The following TBC1D1 variants were observed in gnomAD, a reference collection of about 807,000 sequenced individuals.
TBC1D1 encodes the protein TBC1 domain family member 1.
TBC1D1 carries 89 observed loss-of-function variants against 125.6 expected under a neutral mutation model. The observed-to-expected ratio is 0.71, with a 90% CI of 0.60 to 0.85. The LOEUF is 0.85. Ranked by LOEUF, TBC1D1 falls within the 40% of genes least tolerant of loss-of-function variation. The pLI is 0.00. For missense variants in TBC1D1, 1,377 were observed against 1,469.2 expected, an observed-to-expected ratio of 0.94 and a Z score of 1.03; for synonymous variants, 565 against 564.1, an observed-to-expected ratio of 1.00 and a Z score of -0.02.
rs749796302 is a variant in TBC1D1, at chr4:38,095,966, C to T, written c.2274C>T (p.Leu758=). The change falls in exon 14 of 20, where the codon CTC becomes CTT. Residue 758 remains leucine, a synonymous_variant. Transcript: ENST00000261439. Reference sequence around the variant, plus strand: ...ATTTGCTGAACAAGCGCCTGAAGCTCGATTATGAAGAAATTACTCCCTGTC... The same window carrying T: ...ATTTGCTGAACAAGCGCCTGAAGCTTGATTATGAAGAAATTACTCCCTGTC... The T allele has an allele frequency of 1.4e-5, 22 of 1,613,466 alleles. No individual in the cohort carries two copies. In the East Asian group the frequency reaches 2.0e-4, roughly 15 times the overall value.
chr4:38,016,087 A>G (rs1742660219), intron 3 of TBC1D1, among the ~76,000 whole-genome samples: 2 of 152,222 alleles, frequency 1.3e-5, no homozygotes, highest in African/African-American at 4.8e-5. Flanking sequence ...GCCGTGAACA[A>G]GACAAGTATG....
At chr4:38,106,140 A>G (rs2152562676) in intron 15 of TBC1D1, among the ~76,000 whole-genome samples, 1 of 152,290 alleles carries the variant, frequency 6.6e-6, no homozygotes, top group South Asian at 2.1e-4. Flanking sequence ...CTTCTAGGAC[A>G]GTGGCTGTGA....
At chr4:38,018,874 A>G (rs1294063519) in intron 4 of TBC1D1, among the ~76,000 whole-genome samples, 1 of 151,846 alleles carries the variant, frequency 6.6e-6, no homozygotes, top group Non-Finnish European at 1.5e-5. Flanking sequence ...TCAAATATAG[A>G]TAGTGCTTAT....
At chr4:37,930,519 G>A (rs1412279048) in intron 2 of TBC1D1, among the ~76,000 whole-genome samples, 1 of 151,692 alleles carries the variant, frequency 6.6e-6, no homozygotes, top group Non-Finnish European at 1.5e-5. Context: ...TTAAGACAGA[G>A]TCTTCCTGTA....
At chr4:37,956,206 G>A (rs950852608) in intron 2 of TBC1D1, among the ~76,000 whole-genome samples, 5 of 151,760 alleles carry the variant, frequency 3.3e-5, no homozygotes, top group African/African-American at 7.3e-5. Flanking sequence ...AGATGGGAGC[G>A]GGGGTTCTCC....
At chr4:38,012,649 G>A (rs2152424072) in intron 2 of TBC1D1, among the ~76,000 whole-genome samples, 1 of 152,290 alleles carries the variant, frequency 6.6e-6, no homozygotes, top group Non-Finnish European at 1.5e-5. Flanking sequence ...TAGACTTCAT[G>A]CTCTCTTCTC....
Position 38,049,883 on chromosome 4 carries a change from C to G in TBC1D1, c.1895C>G (p.Thr632Arg), listed in dbSNP as rs200637650. Reference sequence around the variant, plus strand: ...AGGTATCACTCAGTGAGCACAGAGACGCCTCATGAACGAAAGTAAGATTTG... The same window carrying G: ...AGGTATCACTCAGTGAGCACAGAGAGGCCTCATGAACGAAAGTAAGATTTG... The change falls in exon 11 of 20, where the codon ACG becomes AGG. Residue 632 changes from threonine to arginine, a missense_variant. Thr to Arg is a moderately conservative substitution (Grantham distance 71). This residue lies in a region of TBC1D1 where 822 missense variants were observed against 824.6 expected (regional missense o/e 1.00). Coordinates refer to ENST00000261439, the MANE Select transcript of TBC1D1 (RefSeq NM_015173.4). 1.9e-6 allele frequency: 3 copies of G among 1,609,116 alleles called. No individual in the cohort carries two copies. The highest frequency in any genetic ancestry group is 4.5e-5 in the East Asian group (2 of 44,822).
At chr4:38,092,878 T>A (rs537522607) in intron 13 of TBC1D1, among the ~76,000 whole-genome samples, 5 of 152,030 alleles carry the variant, frequency 3.3e-5, no homozygotes, top group African/African-American at 9.6e-5. Flanking sequence ...TTGGGGTGAC[T>A]CACACACACA....
At chr4:38,024,695 AG>A (rs1191386116) in intron 6 of TBC1D1, among the ~76,000 whole-genome samples, 2 of 152,250 alleles carry the variant, frequency 1.3e-5, no homozygotes, top group Non-Finnish European at 2.9e-5. Context: ...AAACAGTTTT[AG>A]GGTTCCTTGC....
At chr4:38,090,521 TACGTA>T (rs1758252266) in intron 13 of TBC1D1, among the ~76,000 whole-genome samples, 1 of 152,232 alleles carries the variant, frequency 6.6e-6, no homozygotes, top group Admixed American at 6.5e-5. Context: ...GTCATTAACA[TACGTA>T]ACTTCACTCT....
At chr4:37,954,141 T>C (rs1020773088) in intron 2 of TBC1D1, among the ~76,000 whole-genome samples, 1 of 152,346 alleles carries the variant, frequency 6.6e-6, no homozygotes, top group East Asian at 1.9e-4. Flanking sequence ...CCTAGCATGT[T>C]GACTTTGGCC....
chr4:38,046,742 A>G lies in TBC1D1; in HGVS notation c.1629+839A>G, dbSNP rs567174495. Among the ~76,000 whole-genome samples the G allele has an allele frequency of 2.0e-5, 3 of 152,324 alleles. No individual in the cohort carries two copies. In the East Asian group the frequency reaches 5.8e-4, roughly 29 times the overall value. ...GTTTTATTTAAATAAGCAAGTATCT[A>G]TGTCCTTCTTTTAATAACTTGCTTT... On this transcript the variant is annotated intron_variant, in intron 10 of 19. Transcript: ENST00000261439.
chr4:37,891,587 C>G (rs1577705791), intron 1 of TBC1D1, among the ~76,000 whole-genome samples: 1 of 127,604 alleles, frequency 7.8e-6, no homozygotes, highest in African/African-American at 2.9e-5. Context: ...ATGTTGCTAG[C>G]GACCCGAGAG....
At chr4:38,020,544 T>A in intron 4 of TBC1D1, 47 bp from the exon 5 acceptor site, 1 of 1,465,048 alleles carries the variant, frequency 6.8e-7, no homozygotes, top group Non-Finnish European at 9.5e-7. Context: ...CTGAGGATGG[T>A]GCGTCTTCTG....
At chr4:37,909,926 G>C (rs967013431) in intron 2 of TBC1D1, among the ~76,000 whole-genome samples, 2 of 152,184 alleles carry the variant, frequency 1.3e-5, no homozygotes, top group African/African-American at 4.8e-5. Flanking sequence ...CTGGGTGCAA[G>C]GGCTGGCAGG....
chr4:38,137,188 CA>C lies in TBC1D1; in HGVS notation c.3361del (p.Ser1121ValfsTer5). Reference sequence around the variant, plus strand: ...AGGCCACCATTGAGAAGCTCCTGAGCAGTGAGAGCAAGCTGAAGCAGGCCAT... The same window carrying C: ...AGGCCACCATTGAGAAGCTCCTGAGCGTGAGAGCAAGCTGAAGCAGGCCAT... On this transcript the variant is annotated frameshift_variant, in exon 20 of 20. Transcript: ENST00000261439. LOFTEE classifies it low-confidence loss of function (END_TRUNC). 1.2e-6 allele frequency: 2 copies of C among 1,613,312 alleles called. No homozygotes were observed. Among genetic ancestry groups the C allele is most frequent in the Non-Finnish European group, 1.7e-6 (2 of 1,180,022 alleles).
rs542422806 is a variant in TBC1D1, at chr4:38,027,635, C to CA, written c.1211-142dup. Among the ~76,000 whole-genome samples, 1,226 of 140,500 alleles carry CA rather than the reference C, an allele frequency of 8.7e-3. 6 individuals carry two copies. Among genetic ancestry groups the CA allele is most frequent in the Middle Eastern group, 0.036 (10 of 280 alleles). 92.2% of individuals were successfully genotyped at this position (140,500 alleles called of 152,430 possible). A position where few individuals can be genotyped will look rare whatever the true frequency, so the allele number is the denominator to read the frequency against. Reference sequence around the variant, plus strand: ...TGGGTGACAGAGTGGGATTCCATGTCAAAAAAAAAAATAAAATATTTTTTT... The same window carrying CA: ...TGGGTGACAGAGTGGGATTCCATGTCAAAAAAAAAAAATAAAATATTTTTTT... On this transcript the variant is annotated intron_variant, in intron 6 of 19. Transcript: ENST00000261439.
chr4:38,049,734 T>G lies in TBC1D1; in HGVS notation c.1746T>G (p.Ala582=). ...AGAGTCATCTCCCAGAAGAGCCAGC[T>G]CCGCTGTCGCCCCAGCAGGCCTTCA... The change falls in exon 11 of 20, where the codon GCT becomes GCG. Residue 582 remains alanine, a synonymous_variant. Transcript: ENST00000261439. 2 of 1,614,136 alleles carry G rather than the reference T, an allele frequency of 1.2e-6. No individual in the cohort carries two copies. The highest frequency in any genetic ancestry group is 2.2e-5 in the South Asian group (2 of 91,080).
intron 1 of TBC1D1, among the ~76,000 whole-genome samples, chr4:37,891,914 G>T (rs769982229): frequency 6.6e-6 from 1 of 151,908 alleles, no homozygotes; most frequent in African/African-American, 2.4e-5. Context: ...CAGGCATTAA[G>T]GTTTTGTTTT....
Sources: allele counts gnomAD v4.1 joint callset (sites outside exome capture counted in the v4.1 genomes callset), GRCh38; gene constraint gnomAD v4.1.1; regional missense constraint gnomAD v4.1.1; transcripts MANE v1.5; gene names NCBI Gene and HGNC (gene_info 2026-07-23, HGNC 2026-07-21).